Variants in PSD3 observed in about 807,000 individuals in gnomAD.
The protein encoded by PSD3 is PH and SEC7 domain-containing protein 3.
Under a neutral mutation model 105.5 loss-of-function variants are expected in PSD3, and 49 were observed. The ratio of observed to expected loss-of-function variants is 0.46; its 90% CI spans 0.37 to 0.59. The LOEUF is 0.59. PSD3 is among the 20% of genes least tolerant of loss of function. The probability of loss-of-function intolerance (pLI) is 0.00; values close to 1 mark genes in which losing one functional copy is unlikely to be tolerated. For missense variants in PSD3, 1,561 were observed against 1,263.8 expected, an observed-to-expected ratio of 1.24 and a Z score of -3.57; for synonymous variants, 557 against 457.8, an observed-to-expected ratio of 1.22 and a Z score of -2.77.
At chr8:18,830,867 G>T (rs1388697802) in intron 4 of PSD3, among the ~76,000 whole-genome samples, 1 of 152,132 alleles carries the variant, frequency 6.6e-6, no homozygotes. Context: ...TTGGGGAAAG[G>T]CCAATACCAT....
At position 18,535,554 on chromosome 8, in the gene PSD3, T is replaced by A. The variant is rs899378054; in HGVS notation, c.*189A>T. On this transcript the variant is annotated 3_prime_UTR_variant, in exon 16 of 16. Transcript: ENST00000327040. ...ATTAGCTATCAAGTTGCAAAAATCA[T>A]CAAAGCAAAAGAAATCAAGAGCAAA... 26 of 594,846 alleles carry A rather than the reference T, an allele frequency of 4.4e-5. No homozygotes were observed. Among genetic ancestry groups the A allele is most frequent in the Non-Finnish European group, 7.6e-5 (26 of 341,724 alleles). The allele number at this position is 594,846 out of a possible 1,614,324, so 36.8% of individuals were successfully genotyped here.
chr8:18,723,628 G>C (rs932086169), intron 9 of PSD3, among the ~76,000 whole-genome samples: 2 of 152,120 alleles, frequency 1.3e-5, no homozygotes, highest in Non-Finnish European at 2.9e-5. Context: ...CATCTCTCCC[G>C]AGGCCTTCCA....
At chr8:19,078,745 G>T (rs1406744019) in intron 1 of PSD3, among the ~76,000 whole-genome samples, 1 of 151,926 alleles carries the variant, frequency 6.6e-6, no homozygotes, top group Non-Finnish European at 1.5e-5. Flanking sequence ...AGGCCTAAGA[G>T]AATTCAGTGT....
chr8:18,723,716 C>T (rs1803156000), intron 9 of PSD3, among the ~76,000 whole-genome samples: 1 of 152,168 alleles, frequency 6.6e-6, no homozygotes, highest in Admixed American at 6.5e-5. Context: ...ATAAACATAG[C>T]AAAGTACGGT....
At chr8:18,649,231 C>T (rs560475131) in intron 10 of PSD3, among the ~76,000 whole-genome samples, 6 of 152,298 alleles carry the variant, frequency 3.9e-5, no homozygotes, top group Non-Finnish European at 8.8e-5. Context: ...TGAGAGCAAC[C>T]GCAGGGACTG....
At chr8:18,564,892 T>C (rs1365877587) in intron 14 of PSD3, among the ~76,000 whole-genome samples, 5 of 152,092 alleles carry the variant, frequency 3.3e-5, no homozygotes, top group African/African-American at 4.8e-5. Context: ...CTGATCAGTA[T>C]CCATCTTAAG....
intron 2 of PSD3, among the ~76,000 whole-genome samples, chr8:18,887,649 C>T (rs1563386642): frequency 6.6e-6 from 1 of 152,098 alleles, no homozygotes. Context: ...TTAAAAATAA[C>T]ATGAAGATTC....
rs1404209206 is a variant in PSD3 at position 18,528,776 on chromosome 8, C to T, written c.*6967G>A. 1.3e-5 allele frequency: 2 copies of T among 152,632 alleles called. No individual in the cohort carries two copies. The highest frequency in any genetic ancestry group is 4.8e-5 in the African/African-American group (2 of 41,452). The allele number at this position is 152,632 out of a possible 1,614,324, so 9.5% of individuals were successfully genotyped here. ...GATGGGAAAATATTAAGTGAAACTC[C>T]AAAATTCTCTCCATTAACCAACATT... On this transcript the variant is annotated 3_prime_UTR_variant, in exon 16 of 16. Coordinates refer to ENST00000327040, the MANE Select transcript of PSD3 (RefSeq NM_015310.4).
intron 1 of PSD3, among the ~76,000 whole-genome samples, chr8:19,059,108 C>T (rs1208716617): frequency 1.3e-5 from 2 of 152,202 alleles, no homozygotes; most frequent in Admixed American, 6.5e-5. Context: ...GCCATCCACA[C>T]AGAAATCTCC....
intron 4 of PSD3, among the ~76,000 whole-genome samples, chr8:18,862,800 C>G (rs1174706432): frequency 6.7e-6 from 1 of 148,522 alleles, no homozygotes; most frequent in East Asian, 2.0e-4. Context: ...AGCGGACAAA[C>G]AATACAGATA....
chr8:18,873,142 T>G (rs1817504030), intron 2 of PSD3, among the ~76,000 whole-genome samples: 1 of 152,322 alleles, frequency 6.6e-6, no homozygotes, highest in South Asian at 2.1e-4. Flanking sequence ...AGCCCTATGA[T>G]CTAGCCAACA....
intron 4 of PSD3, among the ~76,000 whole-genome samples, chr8:18,864,191 T>A (rs1049569606): frequency 6.6e-6 from 1 of 152,236 alleles, no homozygotes; most frequent in African/African-American, 2.4e-5. Context: ...TACCACTTGG[T>A]CCAGTTCAGC....
intron 14 of PSD3, 87 bp from the exon 15 acceptor site, chr8:18,556,439 T>C: frequency 7.2e-7 from 1 of 1,397,054 alleles, no homozygotes; most frequent in Non-Finnish European, 9.8e-7. Context: ...TCCCCTGTGC[T>C]GAATGACTTT....
intron 4 of PSD3, among the ~76,000 whole-genome samples, chr8:18,866,972 G>C (rs894871897): frequency 1.3e-5 from 2 of 151,992 alleles, no homozygotes; most frequent in Admixed American, 6.6e-5. Flanking sequence ...AGGATGACGA[G>C]CATGAAGAAA....
chr8:18,601,644 C>CT (rs982638529), intron 11 of PSD3, among the ~76,000 whole-genome samples: 1 of 152,218 alleles, frequency 6.6e-6, no homozygotes, highest in African/African-American at 2.4e-5. Flanking sequence ...ATCATCCCTT[C>CT]TGCCTCCACT....
At chr8:18,819,430 C>A (rs543480815) in intron 4 of PSD3, among the ~76,000 whole-genome samples, 1 of 151,988 alleles carries the variant, frequency 6.6e-6, no homozygotes, top group Non-Finnish European at 1.5e-5. Context: ...ACAAAAAAAG[C>A]CCTCCCCAAA....
At position 18,879,285 on chromosome 8, in the gene PSD3, C is replaced by T. The variant is rs558167714; in HGVS notation, c.131-6552G>A. 3.3e-5 allele frequency among the ~76,000 whole-genome samples: 5 copies of T among 152,200 alleles called. No individual in the cohort carries two copies. The South Asian group carries it at 8.3e-4, about 25-fold the overall frequency. ...CAACTTGGCAACCGGTCAAAGAAAA[C>T]GAGGTCAGATAAGAGGGAGACAGGG... On this transcript the variant is annotated intron_variant, in intron 2 of 15. Coordinates refer to ENST00000327040, the MANE Select transcript of PSD3 (RefSeq NM_015310.4).
chr8:19,084,697 A>G, exon 1 of PSD3: 1 of 327,556 alleles, frequency 3.1e-6, no homozygotes, highest in South Asian at 2.4e-5. Flanking sequence ...TTTGGAGCAG[A>G]GCAAGTGAAA....
chr8:18,607,677 C>A (rs565876041), intron 11 of PSD3, among the ~76,000 whole-genome samples: 1 of 104,518 alleles, frequency 9.6e-6, no homozygotes. Flanking sequence ...CAAGACTCCA[C>A]TGCTACAAAA....
Sources: allele counts gnomAD v4.1 joint callset (sites outside exome capture counted in the v4.1 genomes callset), GRCh38; gene constraint gnomAD v4.1.1; transcripts MANE v1.5; gene names NCBI Gene and HGNC (gene_info 2026-07-23, HGNC 2026-07-21).